The following PALLD variants were observed in gnomAD, a reference collection of about 807,000 sequenced individuals.
PALLD encodes the protein palladin.
A neutral mutation model predicts 123.5 loss-of-function variants in PALLD; 61 were observed. That is an observed-to-expected ratio of 0.49 (90% CI 0.40 to 0.61). The LOEUF (loss-of-function observed/expected upper bound fraction) is 0.61. Ranked by LOEUF, PALLD falls within the 20% of genes least tolerant of loss-of-function variation. The probability of loss-of-function intolerance (pLI) is 0.00; values close to 1 mark genes in which losing one functional copy is unlikely to be tolerated. For synonymous variants in PALLD, 465 were observed against 496.4 expected (o/e 0.94, Z 0.84); for missense variants, 1,273 against 1,377.0 (o/e 0.92, Z 1.20).
At chr4:168,639,318 C>T (rs1355804555) in intron 2 of PALLD, among the ~76,000 whole-genome samples, 1 of 152,174 alleles carries the variant, frequency 6.6e-6, no homozygotes, top group Non-Finnish European at 1.5e-5. Context: ...AGAGCTGGAG[C>T]TGATTCCAAA....
chr4:168,662,273 A>G (rs1260094137), intron 2 of PALLD, among the ~76,000 whole-genome samples: 1 of 152,210 alleles, frequency 6.6e-6, no homozygotes, highest in East Asian at 1.9e-4. Flanking sequence ...TCTCTTAGCC[A>G]CATTCCACCC....
intron 2 of PALLD, among the ~76,000 whole-genome samples, chr4:168,582,164 T>C (rs368737957): frequency 1.3e-4 from 20 of 152,108 alleles, no homozygotes; most frequent in African/African-American, 4.6e-4. Context: ...TGTTTTATAG[T>C]TCTCAGTGTG....
chr4:168,878,015 G>A lies in PALLD; in HGVS notation c.1965-12907G>A, dbSNP rs780516159. The A allele has an allele frequency of 2.0e-4, 298 of 1,496,902 alleles. No individual in the cohort carries two copies. The highest frequency in any genetic ancestry group is 2.4e-4 in the Non-Finnish European group (276 of 1,129,104). 92.7% of individuals were successfully genotyped at this position (1,496,902 alleles called of 1,614,324 possible). Reference sequence around the variant, plus strand: ...GCCCGCGTCGGGCCACGGCACGCCGGCCTCCAGCCCCAGCTCGTCCAGCCT... The same window carrying A: ...GCCCGCGTCGGGCCACGGCACGCCGACCTCCAGCCCCAGCTCGTCCAGCCT... On this transcript the variant is annotated intron_variant, in intron 10 of 21. Coordinates refer to ENST00000505667, the MANE Select transcript of PALLD (RefSeq NM_001166108.2).
At chr4:168,637,612 G>A (rs922332137) in intron 2 of PALLD, among the ~76,000 whole-genome samples, 2 of 152,004 alleles carry the variant, frequency 1.3e-5, no homozygotes, top group African/African-American at 2.4e-5. Flanking sequence ...TTTCTCATCT[G>A]TGAAATGGGC....
chr4:168,557,125 C>A (rs556434211), intron 2 of PALLD, among the ~76,000 whole-genome samples: 3 of 152,246 alleles, frequency 2.0e-5, no homozygotes, highest in South Asian at 2.1e-4. Context: ...CTCACTGCAA[C>A]CTCCACCTCC....
chr4:168,670,773 AAC>A (rs1374478473), intron 3 of PALLD, among the ~76,000 whole-genome samples: 16 of 58,770 alleles, frequency 2.7e-4, no homozygotes, highest in Non-Finnish European at 4.8e-4. Context: ...AACAAAAAAA[AAC>A]AAAAAAAAAA....
intron 10 of PALLD, among the ~76,000 whole-genome samples, chr4:168,755,232 CA>C (rs34076268): frequency 0.47 from 49,245 of 104,250 alleles, 8,725 homozygotes; most frequent in Non-Finnish European, 0.5. Flanking sequence ...GACTCCGTCT[CA>C]AAAAAAAAAA....
intron 2 of PALLD, among the ~76,000 whole-genome samples, chr4:168,618,323 T>C (rs1217538477): frequency 6.6e-6 from 1 of 152,258 alleles, no homozygotes; most frequent in Non-Finnish European, 1.5e-5. Context: ...ATGGTTTTAT[T>C]ACATATTCAG....
chr4:168,734,952 G>A (rs1390563331), intron 10 of PALLD, among the ~76,000 whole-genome samples: 1 of 152,066 alleles, frequency 6.6e-6, no homozygotes, highest in Non-Finnish European at 1.5e-5. Context: ...AGAGGAGAAA[G>A]AGGAGGGAGA....
intron 2 of PALLD, among the ~76,000 whole-genome samples, chr4:168,628,151 C>T (rs1775473613): frequency 1.3e-5 from 2 of 152,174 alleles, no homozygotes; most frequent in South Asian, 4.2e-4. Context: ...TGTAAAATGT[C>T]ATGTGTGGAC....
intron 10 of PALLD, among the ~76,000 whole-genome samples, chr4:168,783,333 T>C (rs1415120750): frequency 6.6e-6 from 1 of 152,130 alleles, no homozygotes; most frequent in Non-Finnish European, 1.5e-5. Flanking sequence ...GCAATAATAT[T>C]GCAAAGCAGT....
At position 168,910,555 on chromosome 4, in the gene PALLD, T is replaced by C. The variant is rs148488672; in HGVS notation, c.2623-3372T>C. 1.4e-4 allele frequency among the ~76,000 whole-genome samples: 22 copies of C among 152,336 alleles called. No homozygotes were observed. The East Asian group carries it at 3.9e-3, about 27-fold the overall frequency. On this transcript the variant is annotated intron_variant, in intron 15 of 21. Coordinates refer to ENST00000505667, the MANE Select transcript of PALLD (RefSeq NM_001166108.2). ...AAACTGGTTATTATAATTATATCCA[T>C]AGTGAGTGCTACAATAATTTAACAT...
chr4:168,688,942 T>A (rs1370825530), intron 6 of PALLD, among the ~76,000 whole-genome samples: 1 of 152,198 alleles, frequency 6.6e-6, no homozygotes, highest in Non-Finnish European at 1.5e-5. Context: ...CTGGACCCCA[T>A]AAGTGACACT....
At chr4:168,784,072 C>T (rs1224482294) in intron 10 of PALLD, among the ~76,000 whole-genome samples, 1 of 151,878 alleles carries the variant, frequency 6.6e-6, no homozygotes, top group Non-Finnish European at 1.5e-5. Flanking sequence ...ATAATGAGAC[C>T]CCATCTCTAC....
chr4:168,694,531 C>G (rs2150135903), intron 8 of PALLD, among the ~76,000 whole-genome samples: 1 of 151,574 alleles, frequency 6.6e-6, no homozygotes, highest in East Asian at 1.9e-4. Context: ...TTTATTTTTT[C>G]TTTACTCTTC....
chr4:168,907,683 G>A (rs542105002), intron 15 of PALLD, among the ~76,000 whole-genome samples: 1 of 152,256 alleles, frequency 6.6e-6, no homozygotes, highest in Admixed American at 6.5e-5. Context: ...CCCAGGCTGA[G>A]CCCCATGGTT....
intron 10 of PALLD, among the ~76,000 whole-genome samples, chr4:168,829,821 T>C (rs17054534): frequency 0.48 from 72,775 of 152,164 alleles, 18,287 homozygotes; most frequent in Non-Finnish European, 0.57. Context: ...TCTTTAAAGT[T>C]TGTGTTCCAG....
At chr4:168,590,433 C>T (rs561471422) in intron 2 of PALLD, among the ~76,000 whole-genome samples, 3 of 152,296 alleles carry the variant, frequency 2.0e-5, no homozygotes, top group Admixed American at 2.0e-4. Context: ...TAGCATTATT[C>T]CTCAGAAAAA....
intron 10 of PALLD, among the ~76,000 whole-genome samples, chr4:168,758,001 C>T (rs1397783655): frequency 3.3e-5 from 5 of 152,142 alleles, no homozygotes; most frequent in Non-Finnish European, 7.4e-5. Context: ...AACCTGGGAG[C>T]TGGAGGTTGC....
Sources: allele counts gnomAD v4.1 joint callset (sites outside exome capture counted in the v4.1 genomes callset), GRCh38; gene constraint gnomAD v4.1.1; transcripts MANE v1.5; gene names NCBI Gene and HGNC (gene_info 2026-07-23, HGNC 2026-07-21).